The following SMARCA4 variants were observed in gnomAD, a reference collection of about 807,000 sequenced individuals.
SMARCA4 encodes the protein SWI/SNF-related matrix-associated actin-dependent regulator of chromatin subfamily A member 4.
Under a neutral mutation model 193.9 loss-of-function variants are expected in SMARCA4, and 31 were observed. That is an observed-to-expected ratio of 0.16 (90% CI 0.12 to 0.22). The LOEUF is 0.22. Ranked by LOEUF, SMARCA4 falls within the 10% of genes least tolerant of loss-of-function variation. The pLI, the probability that SMARCA4 is intolerant of heterozygous loss-of-function variation, is 1.00. For missense variants in SMARCA4, 1,148 were observed against 2,296.0 expected (o/e 0.50, Z 10.22); for synonymous variants, 942 against 933.1 (o/e 1.01, Z -0.17).
At chr19:11,003,203 C>G (rs2146101735) in intron 12 of SMARCA4, 44 bp downstream of exon 12, 1 of 1,613,252 alleles carries the variant, frequency 6.2e-7, no homozygotes, top group Non-Finnish European at 8.5e-7. Flanking sequence ...GATCCAAGTC[C>G]TCGGTGGGCC....
chr19:10,986,863 C>G lies in SMARCA4; in HGVS notation c.761-42C>G. On this transcript the variant is annotated intron_variant, in intron 4 of 34. Coordinates refer to ENST00000344626, the MANE Select transcript of SMARCA4 (RefSeq NM_003072.5). This position sits in a 1 kb window ranked among gnomAD's most constrained non-coding sequence, Gnocchi z 6.7. ...CACGGGGCTGGGCGCAGGCATAAAC[C>G]TGGGACGCACTGTTTTCTCTTTTGT... 2.0e-6 allele frequency: 3 copies of G among 1,530,420 alleles called. No homozygotes were observed. The South Asian group carries it at 3.4e-5, about 17-fold the overall frequency. The allele number at this position is 1,530,420 out of a possible 1,614,324, so 94.8% of individuals were successfully genotyped here.
At position 10,962,225 on chromosome 19, in the gene SMARCA4, A is replaced by T. The variant is rs375969577; in HGVS notation, c.-32+1051A>T. ...GAAAGGGGGTAATCTCCCAAATGGA[A>T]TTGGTGAAAGCCTGTAAAATGGTTC... On this transcript the variant is annotated intron_variant, in intron 1 of 34. Coordinates refer to ENST00000344626, the MANE Select transcript of SMARCA4 (RefSeq NM_003072.5). Among the ~76,000 whole-genome samples, 36 of 152,230 alleles carry T rather than the reference A, an allele frequency of 2.4e-4. 1 individual carries two copies. The highest frequency in any genetic ancestry group is 7.9e-4 in the African/African-American group (33 of 41,544).
chr19:11,049,822 C>CCAGGCG (rs1282200768), intron 30 of SMARCA4, among the ~76,000 whole-genome samples: 2 of 151,620 alleles, frequency 1.3e-5, no homozygotes, highest in African/African-American at 4.9e-5. Context: ...ACCATGCGGG[C>CCAGGCG]CAGGCGCAGG....
chr19:10,982,647 C>A (rs995744799), intron 1 of SMARCA4, among the ~76,000 whole-genome samples: 1 of 151,876 alleles, frequency 6.6e-6, no homozygotes, highest in African/African-American at 2.4e-5. Context: ...CTACAGGTGC[C>A]TGCCACCATG....
intron 12 of SMARCA4, 29 bp downstream of exon 12, chr19:11,003,188 G>C (rs377395036): frequency 6.2e-7 from 1 of 1,613,908 alleles, no homozygotes; most frequent in Non-Finnish European, 8.5e-7. Context: ...TCCAGATGCA[G>C]TGGGGATCCA....
Position 10,985,277 on chromosome 19 carries a change from T to C in SMARCA4, c.227T>C (p.Met76Thr), listed in dbSNP as rs1599940473. 1.2e-6 allele frequency: 2 copies of C among 1,613,686 alleles called. No homozygotes were observed. The highest frequency in any genetic ancestry group is 1.7e-6 in the Non-Finnish European group (2 of 1,179,870). ...TTGCCATGGTCCCTCTCGCAGCCCA[T>C]GGAGTCCATGCATGAGAAGGGCATG... ...QDNMHQMHKPMESMHEKGMSD... is the reference protein window; with the variant it reads ...QDNMHQMHKPTESMHEKGMSD... Residue 76 changes from methionine to threonine, a missense_variant, in exon 3 of 35, where the codon ATG becomes ACG. Physicochemically the swap from Met to Thr is moderately conservative, Grantham distance 81. Coordinates refer to ENST00000344626, the MANE Select transcript of SMARCA4 (RefSeq NM_003072.5). The surrounding 1 kb of genome is among the most constrained non-coding windows in gnomAD (Gnocchi z 4.5).
rs878854236 is a variant in SMARCA4 at position 10,986,481 on chromosome 19, G to C, written c.648G>C (p.Gln216His). ...GKRPMPGMQQ[Q>H]MPTLPPPSVS... ...GGCCGATGCCCGGGATGCAGCAGCAGATGCCAACGCTACCTCCACCCTCGG... is the reference window on the plus strand; with the variant it reads ...GGCCGATGCCCGGGATGCAGCAGCACATGCCAACGCTACCTCCACCCTCGG... The change falls in exon 4 of 35, where the codon CAG becomes CAC. Residue 216 changes from glutamine to histidine, a missense_variant. By Grantham distance (24) the Gln-to-His change is conservative (BLOSUM62 0). Coordinates refer to ENST00000344626, the MANE Select transcript of SMARCA4 (RefSeq NM_003072.5). This position sits in a 1 kb window ranked among gnomAD's most constrained non-coding sequence, Gnocchi z 6.7. The C allele has an allele frequency of 1.6e-5, 25 of 1,552,262 alleles. No individual in the cohort carries two copies. Among genetic ancestry groups the C allele is most frequent in the Non-Finnish European group, 2.0e-5 (23 of 1,149,126 alleles).
chr19:10,968,836 C>T (rs1431019585), intron 1 of SMARCA4, among the ~76,000 whole-genome samples: 1 of 152,150 alleles, frequency 6.6e-6, no homozygotes. Context: ...TCTCATTGTG[C>T]CCAGGGAGCT....
In SMARCA4 at chr19:11,058,926, C is replaced by T. The variant is rs764231342; in HGVS notation, c.4635+37C>T. 2.0e-6 allele frequency: 3 copies of T among 1,532,108 alleles called. No homozygotes were observed. Among genetic ancestry groups the T allele is most frequent in the Non-Finnish European group, 9.0e-7 (1 of 1,106,664 alleles). The allele number at this position is 1,532,108 out of a possible 1,614,324, so 94.9% of individuals were successfully genotyped here. ...GCTGGGGGTTGGGGATGGGCCACTC[C>T]CACAGCTGGGCTTTGACCCAACCCG... is the stretch of plus-strand genomic sequence containing the variant. On this transcript the variant is annotated intron_variant, in intron 32 of 34. Coordinates refer to ENST00000344626, the MANE Select transcript of SMARCA4 (RefSeq NM_003072.5). The surrounding 1 kb of genome is among the most constrained non-coding windows in gnomAD (Gnocchi z 5.8).
intron 34 of SMARCA4, 79 bp downstream of exon 34, chr19:11,060,266 G>T: frequency 1.3e-6 from 2 of 1,514,240 alleles, no homozygotes; most frequent in Non-Finnish European, 1.8e-6. Flanking sequence ...AGCCCTGTGG[G>T]GCGGTGCTCC....
intron 30 of SMARCA4, among the ~76,000 whole-genome samples, chr19:11,054,524 G>A (rs941706561): frequency 2.6e-5 from 4 of 152,244 alleles, no homozygotes; most frequent in Non-Finnish European, 4.4e-5. Context: ...GCCAGGTGCG[G>A]TGGCTCAGCC....
intron 11 of SMARCA4, 125 bp from the exon 12 acceptor site, chr19:11,002,904 A>T (rs1175875532): frequency 1.4e-5 from 14 of 983,788 alleles, no homozygotes; most frequent in Non-Finnish European, 1.6e-6. Flanking sequence ...TTTTCCCACC[A>T]CTGGCCATGT....
rs1010989898 is a variant in SMARCA4, at chr19:11,041,946, A to C, written c.4424+386A>C. On this transcript the variant is annotated intron_variant, in intron 30 of 34. Transcript: ENST00000344626. The surrounding 1 kb of genome is among the most constrained non-coding windows in gnomAD (Gnocchi z 5.6). ...TGGCCTCAAGGGATGAGGTGGGATG[A>C]GGGGTTATATGGCAGTAATGGGTGC... Among the ~76,000 whole-genome samples, 11 of 152,152 alleles carry C rather than the reference A, an allele frequency of 7.2e-5. No individual in the cohort carries two copies. The highest frequency in any genetic ancestry group is 2.4e-4 in the African/African-American group (10 of 41,526).
Position 11,030,010 on chromosome 19 carries a change from G to T in SMARCA4, c.3383-720G>T, listed in dbSNP as rs1470960494. Among the ~76,000 whole-genome samples the T allele has an allele frequency of 1.3e-5, 2 of 152,134 alleles. No homozygotes were observed. The highest frequency in any genetic ancestry group is 1.3e-4 in the Admixed American group (2 of 15,262). ...TTATTTCATCACCAAAATGACTTCA[G>T]TGTTCAGGGGCACCTCTGTCCGAAC... On this transcript the variant is annotated intron_variant, in intron 24 of 34. Coordinates refer to ENST00000344626, the MANE Select transcript of SMARCA4 (RefSeq NM_003072.5). This position sits in a 1 kb window ranked among gnomAD's most constrained non-coding sequence, Gnocchi z 5.5.
At chr19:11,044,037 C>T (rs1325243836) in intron 30 of SMARCA4, among the ~76,000 whole-genome samples, 2 of 152,138 alleles carry the variant, frequency 1.3e-5, no homozygotes, top group African/African-American at 2.4e-5. Context: ...ATGACAGACC[C>T]TCCCCATGTT....
At chr19:11,059,456 C>T (rs970429987) in intron 32 of SMARCA4, among the ~76,000 whole-genome samples, 2 of 152,222 alleles carry the variant, frequency 1.3e-5, no homozygotes, top group African/African-American at 4.8e-5. Context: ...AATGTTATTG[C>T]AGACCTCAGA....
chr19:11,027,621 T>G, intron 23 of SMARCA4, 163 bp from the exon 24 acceptor site: 1 of 764,606 alleles, frequency 1.3e-6, no homozygotes, highest in Non-Finnish European at 2.3e-6. Flanking sequence ...GGGAAATGGC[T>G]TTGCTGAAGC....
chr19:10,970,667 A>G (rs572059124), intron 1 of SMARCA4, among the ~76,000 whole-genome samples: 76 of 152,326 alleles, frequency 5.0e-4, no homozygotes, highest in African/African-American at 1.8e-3. Context: ...TTGGCCTCCC[A>G]AAGCACTGTG....
intron 34 of SMARCA4, 36 bp from the exon 35 acceptor site, chr19:11,061,734 CCCTGGCAGGGGTGG>C (rs1214422138): frequency 1.9e-6 from 3 of 1,586,586 alleles, no homozygotes; most frequent in Non-Finnish European, 2.6e-6. Context: ...TGGCAAGGTG[CCCTGGCAGGGGTGG>C]CCAACGCACA....
Sources: allele counts gnomAD v4.1 joint callset (sites outside exome capture counted in the v4.1 genomes callset), GRCh38; gene constraint gnomAD v4.1.1; non-coding constraint Gnocchi (gnomAD v3.1); transcripts MANE v1.5; gene names NCBI Gene and HGNC (gene_info 2026-07-23, HGNC 2026-07-21).